STK24: variants seen among roughly 807,000 people sequenced by gnomAD.
STK24 encodes the protein serine/threonine-protein kinase 24.
Under a neutral mutation model 55.6 loss-of-function variants are expected in STK24, and 21 were observed. The observed-to-expected ratio is 0.38, with a 90% CI of 0.27 to 0.54. STK24 has a LOEUF of 0.54. Ranked by LOEUF, STK24 falls within the 20% of genes least tolerant of loss-of-function variation. The probability of loss-of-function intolerance (pLI) is 0.79; values close to 1 mark genes in which losing one functional copy is unlikely to be tolerated. For synonymous variants in STK24, 200 were observed against 215.2 expected (o/e 0.93, Z 0.62); for missense variants, 383 against 538.4 (o/e 0.71, Z 2.86).
intron 2 of STK24, among the ~76,000 whole-genome samples, chr13:98,485,321 G>A (rs924756836): frequency 1.3e-5 from 2 of 152,220 alleles, no homozygotes; most frequent in African/African-American, 4.8e-5. Flanking sequence ...AGCCAGAAGT[G>A]CTGATTGGTA....
At chr13:98,470,020 A>G (rs1249859713) in intron 5 of STK24, among the ~76,000 whole-genome samples, 1 of 152,252 alleles carries the variant, frequency 6.6e-6, no homozygotes, top group East Asian at 1.9e-4. Context: ...CAGAAGAATG[A>G]TTAAGTTGCT....
intron 9 of STK24, among the ~76,000 whole-genome samples, chr13:98,458,039 G>T (rs1287551361): frequency 5.9e-5 from 9 of 152,160 alleles, no homozygotes; most frequent in Admixed American, 5.9e-4. Context: ...TAATGGGTTG[G>T]TTCTTAAACT....
At chr13:98,458,857 AATCCTTC>A (rs1337338220) in intron 9 of STK24, among the ~76,000 whole-genome samples, 2 of 152,204 alleles carry the variant, frequency 1.3e-5, no homozygotes, top group African/African-American at 4.8e-5. Flanking sequence ...ATGGGGATAT[AATCCTTC>A]TACTGGGCTT....
chr13:98,470,132 G>A (rs569707325), intron 5 of STK24, among the ~76,000 whole-genome samples: 41 of 152,170 alleles, frequency 2.7e-4, no homozygotes, highest in Non-Finnish European at 4.9e-4. Flanking sequence ...TAGGAAAAAT[G>A]ACAGCAGATC....
chr13:98,517,328 C>T (rs1195016834), intron 2 of STK24, among the ~76,000 whole-genome samples: 1 of 152,130 alleles, frequency 6.6e-6, no homozygotes, highest in Non-Finnish European at 1.5e-5. Flanking sequence ...TGTTTTCAAT[C>T]GAAATTTAAC....
At chr13:98,494,154 G>A (rs1334942595) in intron 2 of STK24, among the ~76,000 whole-genome samples, 42 of 144,792 alleles carry the variant, frequency 2.9e-4, no homozygotes, top group African/African-American at 1.0e-3. Context: ...GCTCAAGCCT[G>A]TAATCCTAGC....
intron 1 of STK24, among the ~76,000 whole-genome samples, chr13:98,544,933 G>A (rs1182234051): frequency 6.6e-6 from 1 of 152,160 alleles, no homozygotes; most frequent in East Asian, 1.9e-4. Flanking sequence ...ATCATCTGAA[G>A]AATGGAAGCG....
chr13:98,548,057 G>A (rs1436490401), intron 1 of STK24, among the ~76,000 whole-genome samples: 3 of 152,138 alleles, frequency 2.0e-5, no homozygotes, highest in Non-Finnish European at 4.4e-5. Context: ...GACACCACAT[G>A]AAGAGAAGAA....
At chr13:98,460,177 A>T (rs545789925) in intron 9 of STK24, among the ~76,000 whole-genome samples, 195 bp downstream of exon 9, 6 of 148,992 alleles carry the variant, frequency 4.0e-5, no homozygotes, top group Admixed American at 6.7e-5. Context: ...GCTGCGGCGG[A>T]GTGGGCATCA....
intron 2 of STK24, among the ~76,000 whole-genome samples, chr13:98,493,680 A>T (rs541764279): frequency 6.6e-6 from 1 of 152,168 alleles, no homozygotes; most frequent in Non-Finnish European, 1.5e-5. Flanking sequence ...TAATGTCAAT[A>T]TGTAACATGT....
chr13:98,479,747 C>T (rs1369653941), intron 3 of STK24, among the ~76,000 whole-genome samples: 2 of 152,202 alleles, frequency 1.3e-5, no homozygotes, highest in Non-Finnish European at 2.9e-5. Context: ...CGAGGGGGCC[C>T]GGTGCTGTGG....
At chr13:98,576,098 G>T in intron 1 of STK24, 2 of 984,998 alleles carry the variant, frequency 2.0e-6, no homozygotes, top group Non-Finnish European at 2.4e-6. Flanking sequence ...GTGCGCGGCT[G>T]TCCGAGGGAT....
chr13:98,576,477 G>A (rs1345809717), intron 1 of STK24, among the ~76,000 whole-genome samples: 1 of 152,072 alleles, frequency 6.6e-6, no homozygotes, highest in African/African-American at 2.4e-5. Context: ...AGGGGAGCGC[G>A]GAGGACTAGG....
At position 98,560,648 on chromosome 13, in the gene STK24, G is replaced by A. The variant is rs114783540; in HGVS notation, c.42+16097C>T. On this transcript the variant is annotated intron_variant, in intron 1 of 10. Transcript: ENST00000539966. Reference sequence around the variant, plus strand: ...AATCCCAGCACTTTGGAAAGCCGACGTGGGTGGATCATTTGAGGTCAGGAG... The same window carrying A: ...AATCCCAGCACTTTGGAAAGCCGACATGGGTGGATCATTTGAGGTCAGGAG... 7.6e-3 allele frequency among the ~76,000 whole-genome samples: 1,153 copies of A among 152,256 alleles called. 16 individuals are homozygous for A. The highest frequency in any genetic ancestry group is 0.025 in the African/African-American group (1,022 of 41,534).
chr13:98,462,447 C>T (rs1381974630), intron 7 of STK24, among the ~76,000 whole-genome samples: 1 of 152,128 alleles, frequency 6.6e-6, no homozygotes, highest in African/African-American at 2.4e-5. Flanking sequence ...CACTCCCTGT[C>T]CTGTATGGGC....
At chr13:98,507,564 G>C (rs1388107546) in intron 2 of STK24, among the ~76,000 whole-genome samples, 1 of 152,206 alleles carries the variant, frequency 6.6e-6, no homozygotes, top group Non-Finnish European at 1.5e-5. Flanking sequence ...CTTTGGCTCT[G>C]ATTTCTCTGA....
In STK24 at chr13:98,575,406, T is replaced by TACACAC. The variant is rs557819358; in HGVS notation, c.42+1333_42+1338dup. Among the ~76,000 whole-genome samples, 1,394 of 148,516 alleles carry TACACAC rather than the reference T, an allele frequency of 9.4e-3. 22 individuals carry two copies. Among genetic ancestry groups the TACACAC allele is most frequent in the African/African-American group, 0.022 (887 of 40,104 alleles). Reference sequence around the variant, plus strand: ...CACACATATATATACTGCTTATATATACACACACACACACACACACACATA... The same window carrying TACACAC: ...CACACATATATATACTGCTTATATATACACACACACACACACACACACACACACATA... On this transcript the variant is annotated intron_variant, in intron 1 of 10. Coordinates refer to ENST00000539966, the MANE Select transcript of STK24 (RefSeq NM_001032296.4).
intron 1 of STK24, among the ~76,000 whole-genome samples, chr13:98,522,331 G>C (rs1189042831): frequency 6.6e-6 from 1 of 152,152 alleles, no homozygotes; most frequent in East Asian, 1.9e-4. Context: ...TCAGGGTCTG[G>C]GGCCCTTGTT....
chr13:98,535,051 T>A (rs1173906169), intron 1 of STK24, among the ~76,000 whole-genome samples: 1 of 152,166 alleles, frequency 6.6e-6, no homozygotes, highest in Non-Finnish European at 1.5e-5. Context: ...AAGAATTTGA[T>A]AAAAAATATG....
Sources: allele counts gnomAD v4.1 joint callset (sites outside exome capture counted in the v4.1 genomes callset), GRCh38; gene constraint gnomAD v4.1.1; transcripts MANE v1.5; gene names NCBI Gene and HGNC (gene_info 2026-07-23, HGNC 2026-07-21).